Variants in INSC observed in about 807,000 individuals in gnomAD.
INSC encodes the protein INSC spindle orientation adaptor protein.
A neutral mutation model predicts 58.6 loss-of-function variants in INSC; 67 were observed. The observed-to-expected ratio is 1.14, with a 90% CI of 0.94 to 1.40. INSC has a LOEUF of 1.40. Among genes scored for constraint, INSC ranks in the 40% most tolerant of loss-of-function variants. The pLI is 0.00. For synonymous variants in INSC, 262 were observed against 276.1 expected, an observed-to-expected ratio of 0.95 and a Z score of 0.51; for missense variants, 714 against 692.0, an observed-to-expected ratio of 1.03 and a Z score of -0.36.
At chr11:15,180,292 C>G (rs1849723594) in intron 5 of INSC, among the ~76,000 whole-genome samples, 3 of 151,886 alleles carry the variant, frequency 2.0e-5, no homozygotes, top group African/African-American at 7.2e-5. Flanking sequence ...AACAAACAAA[C>G]AAACAAAAAG....
chr11:15,208,947 A>C (rs898122292), intron 7 of INSC, among the ~76,000 whole-genome samples: 37 of 151,930 alleles, frequency 2.4e-4, no homozygotes, highest in African/African-American at 8.0e-4. Context: ...TGAGTGGGGG[A>C]GTAGGGGAGG....
intron 7 of INSC, among the ~76,000 whole-genome samples, chr11:15,213,382 G>A (rs1239177662): frequency 2.0e-5 from 3 of 152,134 alleles, no homozygotes; most frequent in African/African-American, 7.2e-5. Context: ...TAGATGATTC[G>A]AATCATCTAA....
At chr11:15,153,959 C>G (rs1714349) in intron 2 of INSC, among the ~76,000 whole-genome samples, 56,285 of 152,118 alleles carry the variant, frequency 0.37, 11,094 homozygotes, top group Non-Finnish European at 0.45. Flanking sequence ...CTCTGTGTCC[C>G]CACTTTAGTG....
the INSC span, among the ~76,000 whole-genome samples, chr11:15,259,777 G>A: frequency 6.6e-6 from 1 of 152,120 alleles, no homozygotes; most frequent in East Asian, 1.9e-4. Context: ...TTCAGGATAG[G>A]AATTCAGTTT....
intron 2 of INSC, among the ~76,000 whole-genome samples, chr11:15,164,326 A>C (rs1849121473): frequency 6.6e-6 from 1 of 152,084 alleles, no homozygotes; most frequent in Non-Finnish European, 1.5e-5. Flanking sequence ...ATAGAACTCC[A>C]CCTTCTTTTG....
chr11:15,247,023 T>A lies in INSC; in HGVS notation c.*983T>A, dbSNP rs991743453. Reference sequence around the variant, plus strand: ...TTCACAGATGCTATAAAGCACAGCTTTCGCTTTTTTTTTTTTTAGAGAGAG... The same window carrying A: ...TTCACAGATGCTATAAAGCACAGCTATCGCTTTTTTTTTTTTTAGAGAGAG... On this transcript the variant is annotated 3_prime_UTR_variant, in exon 13 of 13. Coordinates refer to ENST00000379556, the MANE Select transcript of INSC (RefSeq NM_001042536.3). 1 of 147,718 alleles carries A rather than the reference T, an allele frequency of 6.8e-6. No homozygotes were observed. Among genetic ancestry groups the A allele is most frequent in the African/African-American group, 2.6e-5 (1 of 38,084 alleles). 9.2% of individuals were successfully genotyped at this position (147,718 alleles called of 1,614,324 possible). A position where few individuals can be genotyped will look rare whatever the true frequency, so the allele number is the denominator to read the frequency against.
chr11:15,115,777 T>C (rs1259527633), intron 1 of INSC, among the ~76,000 whole-genome samples: 1 of 152,198 alleles, frequency 6.6e-6, no homozygotes, highest in South Asian at 2.1e-4. Flanking sequence ...GCACACACTC[T>C]TCTCAGGATA....
the INSC span, among the ~76,000 whole-genome samples, chr11:15,266,881 T>C: frequency 1.3e-5 from 2 of 152,004 alleles, no homozygotes; most frequent in African/African-American, 4.8e-5. Flanking sequence ...GAGTGGAAGA[T>C]AGGAAGACAC....
At chr11:15,200,744 T>A in intron 6 of INSC, 80 bp from the exon 7 acceptor site, 1 of 1,591,792 alleles carries the variant, frequency 6.3e-7, no homozygotes, top group Non-Finnish European at 8.6e-7. Context: ...ATCTGGCGAA[T>A]CAGGGATGTC....
At chr11:15,159,064 G>A (rs1848923320) in intron 2 of INSC, among the ~76,000 whole-genome samples, 1 of 152,120 alleles carries the variant, frequency 6.6e-6, no homozygotes, top group Admixed American at 6.5e-5. Flanking sequence ...AACTTCTCCT[G>A]GCCTCTTGCA....
intron 2 of INSC, among the ~76,000 whole-genome samples, chr11:15,156,883 G>A (rs1285062210): frequency 6.6e-6 from 1 of 152,192 alleles, no homozygotes; most frequent in Non-Finnish European, 1.5e-5. Context: ...TTCTTGGTAT[G>A]AGACTTTGCT....
At chr11:15,119,047 A>T (rs1300918877) in intron 1 of INSC, among the ~76,000 whole-genome samples, 8 of 152,212 alleles carry the variant, frequency 5.3e-5, no homozygotes, top group Non-Finnish European at 1.2e-4. Flanking sequence ...GTGAATGTCC[A>T]CTGACCACGA....
intron 1 of INSC, among the ~76,000 whole-genome samples, chr11:15,140,653 A>G (rs1262063354): frequency 6.7e-6 from 1 of 149,552 alleles, no homozygotes; most frequent in Non-Finnish European, 1.5e-5. Context: ...ATCATAGCTC[A>G]CTGTAACCTT....
At chr11:15,201,028 G>A in intron 7 of INSC, 79 bp downstream of exon 7, 1 of 1,502,706 alleles carries the variant, frequency 6.7e-7, no homozygotes, top group Non-Finnish European at 8.9e-7. Flanking sequence ...ATGGCCATCT[G>A]TTCCTTTTCA....
chr11:15,127,115 C>A (rs1158698900), intron 1 of INSC, among the ~76,000 whole-genome samples: 2 of 152,296 alleles, frequency 1.3e-5, no homozygotes, highest in East Asian at 3.9e-4. Context: ...GAAAAAGCCC[C>A]TGCCCAGCTG....
chr11:15,150,880 G>C (rs149251744), intron 2 of INSC, among the ~76,000 whole-genome samples: 13 of 152,322 alleles, frequency 8.5e-5, no homozygotes, highest in African/African-American at 3.1e-4. Flanking sequence ...TCAGACTTGG[G>C]TTCAAAGCCC....
chr11:15,189,371 A>G (rs1182683187), intron 5 of INSC, among the ~76,000 whole-genome samples: 11 of 418 alleles, frequency 0.026, no homozygotes, highest in Admixed American at 0.045. Flanking sequence ...CATTTTGTTT[A>G]TTTATTTATT....
chr11:15,178,491 C>T, intron 5 of INSC, 44 bp downstream of exon 5: 1 of 1,587,064 alleles, frequency 6.3e-7, no homozygotes, highest in Non-Finnish European at 8.5e-7. Flanking sequence ...TGTGTGGACC[C>T]TTGGAGGAAA....
rs562555087 is a variant in INSC, at chr11:15,207,563, C to A, written c.819+6614C>A. 2.0e-5 allele frequency among the ~76,000 whole-genome samples: 3 copies of A among 152,114 alleles called. No individual in the cohort carries two copies. In the East Asian group the frequency reaches 5.8e-4, roughly 30 times the overall value. ...AGGCCCTGACAGCTGAGGTGCTGGG[C>A]TGGAAGAGAGATGAAGACAGGGAGG... On this transcript the variant is annotated intron_variant, in intron 7 of 12. Coordinates refer to ENST00000379556, the MANE Select transcript of INSC (RefSeq NM_001042536.3).
Sources: allele counts gnomAD v4.1 joint callset (sites outside exome capture counted in the v4.1 genomes callset), GRCh38; gene constraint gnomAD v4.1.1; transcripts MANE v1.5; gene names NCBI Gene and HGNC (gene_info 2026-07-23, HGNC 2026-07-21).